KHDRBS2: variants seen among roughly 807,000 people sequenced by gnomAD.
KHDRBS2 encodes KH RNA binding domain containing, signal transduction associated 2.
KHDRBS2 carries 26 observed loss-of-function variants against 44.3 expected under a neutral mutation model. The ratio of observed to expected loss-of-function variants is 0.59; its 90% CI spans 0.43 to 0.81. KHDRBS2 has a LOEUF of 0.81. Among genes scored for constraint, KHDRBS2 ranks in the 40% least tolerant of loss-of-function variants. The pLI is 0.00. For synonymous variants in KHDRBS2, 194 were observed against 151.1 expected (o/e 1.28, Z -2.08); for missense variants, 476 against 433.1 (o/e 1.10, Z -0.88).
chr6:61,844,322 C>A (rs1281517273), intron 6 of KHDRBS2, among the ~76,000 whole-genome samples: 1 of 152,122 alleles, frequency 6.6e-6, no homozygotes, highest in Non-Finnish European at 1.5e-5. Flanking sequence ...ATATTTCTCT[C>A]CTCAAAAACT....
At chr6:61,821,909 C>T (rs1384021091) in intron 6 of KHDRBS2, among the ~76,000 whole-genome samples, 2 of 151,892 alleles carry the variant, frequency 1.3e-5, no homozygotes. Context: ...ATGCACACTC[C>T]AGATAAAAAT....
intron 6 of KHDRBS2, among the ~76,000 whole-genome samples, chr6:61,854,628 A>G (rs1795905596): frequency 6.6e-6 from 1 of 152,186 alleles, no homozygotes; most frequent in Non-Finnish European, 1.5e-5. Context: ...TGTTTTAATC[A>G]AAACTTGATC....
intron 6 of KHDRBS2, among the ~76,000 whole-genome samples, chr6:61,860,308 T>A (rs1796734703): frequency 6.6e-6 from 1 of 151,936 alleles, no homozygotes; most frequent in South Asian, 2.1e-4. Flanking sequence ...TACAGATTAT[T>A]TCATCACCCA....
chr6:61,573,544 C>A, the KHDRBS2 span, among the ~76,000 whole-genome samples: 1 of 152,296 alleles, frequency 6.6e-6, no homozygotes, highest in African/African-American at 2.4e-5. Flanking sequence ...AATCCCAACA[C>A]TTTTGGAGGC....
At chr6:62,261,819 A>G (rs1259072141) in intron 1 of KHDRBS2, among the ~76,000 whole-genome samples, 2 of 151,802 alleles carry the variant, frequency 1.3e-5, no homozygotes, top group African/African-American at 2.4e-5. Context: ...TTAGTATACT[A>G]AACAGCTCAT....
At chr6:61,900,365 A>G (rs1803753328) in intron 5 of KHDRBS2, among the ~76,000 whole-genome samples, 1 of 152,168 alleles carries the variant, frequency 6.6e-6, no homozygotes, top group Non-Finnish European at 1.5e-5. Flanking sequence ...ATTTTATGTA[A>G]TATATGAAAT....
chr6:61,969,912 T>G (rs936761849), intron 4 of KHDRBS2, among the ~76,000 whole-genome samples: 88 of 151,976 alleles, frequency 5.8e-4, no homozygotes, highest in African/African-American at 2.0e-3. Flanking sequence ...CTCTTAAAAT[T>G]TTAAGATGTT....
chr6:62,124,174 C>G (rs1326506670), intron 2 of KHDRBS2, among the ~76,000 whole-genome samples: 1 of 152,170 alleles, frequency 6.6e-6, no homozygotes, highest in Non-Finnish European at 1.5e-5. Context: ...CCTACTCTTG[C>G]CTGAGAGTGA....
downstream of KHDRBS2, among the ~76,000 whole-genome samples, chr6:61,679,203 C>A (rs145152489): frequency 1.1e-3 from 161 of 151,982 alleles, no homozygotes; most frequent in Non-Finnish European, 2.0e-3. Flanking sequence ...TGGCATTCAT[C>A]CCTAGCATCA....
chr6:61,658,611 T>C, the KHDRBS2 span, among the ~76,000 whole-genome samples: 1 of 151,994 alleles, frequency 6.6e-6, no homozygotes, highest in Non-Finnish European at 1.5e-5. Context: ...TTCCAGGTTC[T>C]AACCTCAAAA....
rs890935244 is a variant in KHDRBS2, at chr6:62,245,041, T to A, written c.91+40817A>T. On this transcript the variant is annotated intron_variant, in intron 1 of 8. Transcript: ENST00000281156. ...CAAGTTCTACAGCATATTCCCAAGATCCCTATATACTAGAAAACTGAAAAC... is the reference window on the plus strand; with the variant it reads ...CAAGTTCTACAGCATATTCCCAAGAACCCTATATACTAGAAAACTGAAAAC... Among the ~76,000 whole-genome samples, 4 of 151,944 alleles carry A rather than the reference T, an allele frequency of 2.6e-5. No individual in the cohort carries two copies. The South Asian group carries it at 6.3e-4, about 24-fold the overall frequency.
chr6:61,845,680 C>T (rs538148592), intron 6 of KHDRBS2, among the ~76,000 whole-genome samples: 3 of 152,306 alleles, frequency 2.0e-5, no homozygotes, highest in African/African-American at 7.2e-5. Context: ...AAACACTTCT[C>T]ACTAAACTAC....
intron 4 of KHDRBS2, among the ~76,000 whole-genome samples, chr6:61,939,454 C>A (rs1053973059): frequency 3.3e-5 from 5 of 152,108 alleles, no homozygotes; most frequent in Non-Finnish European, 7.4e-5. Context: ...GCCCAAGGAT[C>A]TTTGAAAGTT....
At chr6:61,576,672 A>G in the KHDRBS2 span, among the ~76,000 whole-genome samples, 242 of 152,288 alleles carry the variant, frequency 1.6e-3, 2 homozygotes, top group Middle Eastern at 0.041. Context: ...TGTAGCTGAC[A>G]CAAAATAAAC....
the KHDRBS2 span, among the ~76,000 whole-genome samples, chr6:61,562,834 T>C: frequency 3.9e-5 from 6 of 152,188 alleles, no homozygotes; most frequent in Non-Finnish European, 8.8e-5. Flanking sequence ...TGTGTTAAAG[T>C]TTTTATAAAT....
intron 2 of KHDRBS2, among the ~76,000 whole-genome samples, chr6:62,060,609 G>GTCTC (rs373091004): frequency 6.8e-4 from 101 of 147,990 alleles, no homozygotes; most frequent in Middle Eastern, 3.6e-3. Flanking sequence ...CTCTCTCTCT[G>GTCTC]TCTCTCTCTC....
At chr6:61,591,162 C>T in the KHDRBS2 span, among the ~76,000 whole-genome samples, 4 of 152,082 alleles carry the variant, frequency 2.6e-5, no homozygotes, top group Non-Finnish European at 5.9e-5. Flanking sequence ...AAATAATGTG[C>T]CTTGGAATTC....
chr6:62,205,899 T>C (rs1215614542), intron 1 of KHDRBS2, among the ~76,000 whole-genome samples: 4 of 152,146 alleles, frequency 2.6e-5, no homozygotes, highest in African/African-American at 9.7e-5. Context: ...ATGGAGAATT[T>C]GGCTTTGGGA....
intron 4 of KHDRBS2, among the ~76,000 whole-genome samples, chr6:61,909,338 G>A (rs576355664): frequency 7.5e-4 from 114 of 151,988 alleles, no homozygotes; most frequent in African/African-American, 2.7e-3. Context: ...CAAAATGCTG[G>A]GATTACAGGT....
Sources: gnomAD v4.1 joint callset for allele counts (sites outside exome capture counted in the v4.1 genomes callset) on GRCh38, gnomAD v4.1.1 for gene constraint, MANE v1.5 for transcripts, NCBI Gene and HGNC (gene_info 2026-07-23, HGNC 2026-07-21) for gene names.